The following XKR6 variants were observed in gnomAD, a reference collection of about 807,000 sequenced individuals.
XKR6 encodes XK related 6, also known as XK-related protein 6.
XKR6 carries 22 observed loss-of-function variants against 56.7 expected under a neutral mutation model. The ratio of observed to expected loss-of-function variants is 0.39; its 90% CI spans 0.28 to 0.55. The LOEUF is 0.55. Ranked by LOEUF, XKR6 falls within the 20% of genes least tolerant of loss-of-function variation. XKR6 has a pLI of 0.66. For synonymous variants in XKR6, 524 were observed against 387.8 expected (o/e 1.35, Z -4.13); for missense variants, 852 against 889.0 (o/e 0.96, Z 0.53).
chr8:11,129,594 T>C (rs1043103995), intron 1 of XKR6, among the ~76,000 whole-genome samples: 1 of 152,206 alleles, frequency 6.6e-6, no homozygotes, highest in Non-Finnish European at 1.5e-5. Context: ...CAGAATACCA[T>C]GCGCTGTTAA....
At chr8:10,941,853 G>A (rs1801394576) in intron 1 of XKR6, among the ~76,000 whole-genome samples, 1 of 152,194 alleles carries the variant, frequency 6.6e-6, no homozygotes, top group Non-Finnish European at 1.5e-5. Context: ...CAGGCCCAAA[G>A]TCACAGCAGC....
intron 1 of XKR6, among the ~76,000 whole-genome samples, chr8:11,049,953 C>T (rs1041357144): frequency 2.6e-5 from 4 of 152,152 alleles, no homozygotes; most frequent in Non-Finnish European, 4.4e-5. Context: ...CAAAATATAG[C>T]GTCCATTGCC....
At chr8:11,090,025 G>T (rs938008502) in intron 1 of XKR6, among the ~76,000 whole-genome samples, 2 of 152,152 alleles carry the variant, frequency 1.3e-5, no homozygotes, top group African/African-American at 4.8e-5. Flanking sequence ...CACAAATGTG[G>T]CTTTAACAGT....
intron 1 of XKR6, among the ~76,000 whole-genome samples, chr8:11,156,283 T>G (rs1244386898): frequency 6.6e-6 from 1 of 152,198 alleles, no homozygotes; most frequent in Non-Finnish European, 1.5e-5. Flanking sequence ...TTTTGTTGAT[T>G]TAACTCTTCC....
chr8:10,919,420 G>T (rs963965338), intron 2 of XKR6, among the ~76,000 whole-genome samples: 2 of 152,224 alleles, frequency 1.3e-5, no homozygotes, highest in Admixed American at 6.5e-5. Context: ...TCCCCAGACA[G>T]AATGGGAAAT....
At chr8:11,101,312 T>C (rs552064455) in intron 1 of XKR6, among the ~76,000 whole-genome samples, 8 of 152,310 alleles carry the variant, frequency 5.3e-5, no homozygotes, top group Middle Eastern at 3.4e-3. Flanking sequence ...GGGAGCTGGT[T>C]ATATTCATGC....
chr8:11,076,767 G>A (rs1358778429), intron 1 of XKR6, among the ~76,000 whole-genome samples: 1 of 152,186 alleles, frequency 6.6e-6, no homozygotes, highest in African/African-American at 2.4e-5. Context: ...GAGTGGCCTG[G>A]CCAACTCTGG....
intron 1 of XKR6, among the ~76,000 whole-genome samples, chr8:11,087,694 C>CA (rs1479112671): frequency 6.6e-6 from 1 of 152,196 alleles, no homozygotes; most frequent in Non-Finnish European, 1.5e-5. Flanking sequence ...AATGTCATCT[C>CA]TGAGCTACTG....
At chr8:11,099,481 G>A (rs1451923017) in intron 1 of XKR6, among the ~76,000 whole-genome samples, 2 of 152,230 alleles carry the variant, frequency 1.3e-5, no homozygotes, top group Admixed American at 1.3e-4. Context: ...GGCACTGCTG[G>A]GCAGGGCAGC....
chr8:11,147,389 G>A (rs1172810272), intron 1 of XKR6, among the ~76,000 whole-genome samples: 4 of 152,166 alleles, frequency 2.6e-5, no homozygotes, highest in Non-Finnish European at 5.9e-5. Flanking sequence ...ATGGCGGCCA[G>A]GCGCGGTGGC....
At chr8:10,909,916 A>G (rs1033767433) in intron 2 of XKR6, among the ~76,000 whole-genome samples, 6 of 152,102 alleles carry the variant, frequency 3.9e-5, no homozygotes, top group Non-Finnish European at 7.3e-5. Context: ...TCAGGGAGGT[A>G]AAAGAATTTG....
intron 1 of XKR6, among the ~76,000 whole-genome samples, chr8:11,097,902 T>G (rs1382299870): frequency 4.0e-5 from 6 of 151,344 alleles, no homozygotes; most frequent in Non-Finnish European, 7.4e-5. Flanking sequence ...TTTGCTATAG[T>G]GTTAGTAACA....
chr8:10,921,051 T>C (rs1372535924), intron 2 of XKR6, among the ~76,000 whole-genome samples: 1 of 152,244 alleles, frequency 6.6e-6, no homozygotes, highest in Non-Finnish European at 1.5e-5. Flanking sequence ...CAGCTCCTTT[T>C]CCAAGGGGTC....
chr8:10,954,823 GT>G (rs34180049), intron 1 of XKR6, among the ~76,000 whole-genome samples: 81,909 of 138,014 alleles, frequency 0.59, 25,902 homozygotes, highest in African/African-American at 0.84. Flanking sequence ...ATTTTGACTT[GT>G]TTTTTTTTGT....
Position 11,123,596 on chromosome 8 carries a change from G to C in XKR6, c.764+76980C>G, listed in dbSNP as rs1406588284. On this transcript the variant is annotated intron_variant, in intron 1 of 2. Transcript: ENST00000416569. ...AAATAATCATAATGGATATACACGA[G>C]GATTAAAAATTCAAGTGTGCAGAGT... The C allele has an allele frequency of 3.0e-5, 9 of 305,014 alleles. No individual in the cohort carries two copies. The Admixed American group carries it at 3.1e-4, about 10-fold the overall frequency. 18.9% of individuals were successfully genotyped at this position (305,014 alleles called of 1,614,324 possible).
At chr8:10,946,543 C>T (rs1035889332) in intron 1 of XKR6, among the ~76,000 whole-genome samples, 2 of 151,974 alleles carry the variant, frequency 1.3e-5, no homozygotes, top group Admixed American at 6.6e-5. Context: ...CTGGGGGTGG[C>T]GTGTCCTGCG....
intron 1 of XKR6, among the ~76,000 whole-genome samples, chr8:11,118,279 T>G (rs12545002): frequency 0.023 from 3,552 of 152,302 alleles, 158 homozygotes; most frequent in African/African-American, 0.079. Context: ...TTTCTTTTGT[T>G]GTATCTCTGC....
At chr8:10,997,941 T>A (rs1341121578) in intron 1 of XKR6, among the ~76,000 whole-genome samples, 1 of 152,138 alleles carries the variant, frequency 6.6e-6, no homozygotes, top group Non-Finnish European at 1.5e-5. Context: ...AATCACAGGA[T>A]GCTTCCCATA....
intron 1 of XKR6, among the ~76,000 whole-genome samples, chr8:11,135,911 AC>A: frequency 6.6e-6 from 1 of 152,292 alleles, no homozygotes; most frequent in African/African-American, 2.4e-5. Context: ...AAATGCAAAA[AC>A]CACTTAAAAA....
Sources: gnomAD v4.1 joint callset for allele counts (sites outside exome capture counted in the v4.1 genomes callset) on GRCh38, gnomAD v4.1.1 for gene constraint, MANE v1.5 for transcripts, NCBI Gene and HGNC (gene_info 2026-07-23, HGNC 2026-07-21) for gene names.